Variants in ABHD14B observed in about 807,000 individuals in gnomAD.
The protein encoded by ABHD14B is abhydrolase domain containing 14B.
Under a neutral mutation model 15.4 loss-of-function variants are expected in ABHD14B, and 19 were observed. The observed-to-expected ratio is 1.23, with a 90% CI of 0.86 to 1.81. The LOEUF (loss-of-function observed/expected upper bound fraction) is 1.81. ABHD14B is among the 40% of genes most tolerant of loss of function. The pLI is 0.00. For missense variants in ABHD14B, 243 were observed against 267.0 expected (o/e 0.91, Z 0.63); for synonymous variants, 92 against 117.3 (o/e 0.78, Z 1.39).
intron 1 of ABHD14B, chr3:51,972,037 G>C (rs111772003): frequency 0.027 from 5,095 of 191,252 alleles, 105 homozygotes; most frequent in Admixed American, 0.041. Context: ...CTGAGGTCAG[G>C]AGTTCAAGAC....
intron 1 of ABHD14B, among the ~76,000 whole-genome samples, chr3:51,973,506 T>TTTTTTTTTTTTTC (rs1553723699): frequency 0.035 from 4,304 of 122,484 alleles, 266 homozygotes; most frequent in African/African-American, 0.17. Context: ...TTTTCTTCGG[T>TTTTTTTTTTTTTC]TTTTTTTTTT....
Position 51,970,072 on chromosome 3 carries a change from G to A in ABHD14B, c.324C>T (p.Ile108=). ...AGTACATGCCACTCAGTGATGGACT[G>A]ATCACAACCGGGGGGCCCAGCTCCA... The part of the protein sequence containing the change: ...DALELGPPVV[I]SPSLSGMYSL... The change falls in exon 3 of 4, where the codon ATC becomes ATT. Residue 108 remains isoleucine (I), a synonymous_variant. Transcript: ENST00000361143. The A allele has an allele frequency of 1.2e-6, 2 of 1,610,404 alleles. No individual in the cohort carries two copies. Among genetic ancestry groups the A allele is most frequent in the Non-Finnish European group, 1.7e-6 (2 of 1,177,856 alleles).
chr3:51,972,721 A>G (rs1481715364), intron 1 of ABHD14B, among the ~76,000 whole-genome samples: 1 of 152,202 alleles, frequency 6.6e-6, no homozygotes, highest in Non-Finnish European at 1.5e-5. Flanking sequence ...ACTAGCTCAT[A>G]GGTGGTTGAT....
chr3:51,969,713 G>A, intron 3 of ABHD14B, 108 bp from the exon 4 acceptor site: 2 of 1,460,752 alleles, frequency 1.4e-6, no homozygotes, highest in Non-Finnish European at 1.9e-6. Context: ...ATGAGGGAGA[G>A]AGACAAGCTG....
Position 51,968,563 on chromosome 3 carries a change from C to T in ABHD14B, c.*863G>A, listed in dbSNP as rs1678097719. The T allele has an allele frequency of 6.6e-6, 1 of 152,248 alleles. No individual in the cohort carries two copies. Among genetic ancestry groups the T allele is most frequent in the Admixed American group, 6.5e-5 (1 of 15,290 alleles). 9.4% of individuals were successfully genotyped at this position (152,248 alleles called of 1,614,324 possible). ...CCGACCTCCACTCTGGCTCCCACCC[C>T]ACAAGCCTCAGAGCAGGAAACAAGC... is the stretch of plus-strand genomic sequence containing the variant. On this transcript the variant is annotated 3_prime_UTR_variant, in exon 4 of 4. Transcript: ENST00000361143.
intron 1 of ABHD14B, among the ~76,000 whole-genome samples, chr3:51,973,503 C>CG (rs753888239): frequency 4.6e-5 from 6 of 130,514 alleles, no homozygotes; most frequent in African/African-American, 1.5e-4. Context: ...CCATTTTCTT[C>CG]GGTTTTTTTT....
upstream of ABHD14B, chr3:51,974,055 G>T (rs1252650120): frequency 8.5e-6 from 11 of 1,286,946 alleles, no homozygotes; most frequent in Non-Finnish European, 1.0e-5. Context: ...AAGAGGCCGG[G>T]CCCCATCCAG....
intron 2 of ABHD14B, chr3:51,970,664 T>C (rs757480935): frequency 2.2e-6 from 1 of 457,740 alleles, no homozygotes; most frequent in Non-Finnish European, 4.4e-6. Context: ...GGGTCGGTTC[T>C]GCAGCTCCTC....
chr3:51,971,048 A>G (rs1267002700), intron 2 of ABHD14B, among the ~76,000 whole-genome samples: 1 of 152,230 alleles, frequency 6.6e-6, no homozygotes, highest in African/African-American at 2.4e-5. Flanking sequence ...GTTATTATTC[A>G]GTCAAAATAC....
intron 1 of ABHD14B, 92 bp downstream of exon 1, chr3:51,973,873 G>A (rs1467045009): frequency 2.3e-6 from 3 of 1,289,672 alleles, no homozygotes; most frequent in Non-Finnish European, 3.0e-6. Flanking sequence ...TCCCAAGGAG[G>A]GGACCCAGGG....
chr3:51,971,867 G>A, intron 1 of ABHD14B, 169 bp from the exon 2 acceptor site: 1 of 1,310,372 alleles, frequency 7.6e-7, no homozygotes, highest in South Asian at 2.1e-5. Flanking sequence ...ACTTTAGTGT[G>A]TAACCTGGGG....
Position 51,969,399 on chromosome 3 carries a change from G to GCCCAC in ABHD14B, c.*22_*26dup. The GCCCAC allele has an allele frequency of 6.3e-7, 1 of 1,583,410 alleles. No homozygotes were observed. The highest frequency in any genetic ancestry group is 8.6e-7 in the Non-Finnish European group (1 of 1,164,142). ...AGAGAGAGCTCAGAGCAGGCAGGCA[G>GCCCAC]CCCACCCCCTGCAGCAGTGCTGGGC... is the stretch of plus-strand genomic sequence containing the variant. On this transcript the variant is annotated 3_prime_UTR_variant, in exon 4 of 4. Transcript: ENST00000361143.
At chr3:51,973,003 G>A (rs1456746324) in intron 1 of ABHD14B, among the ~76,000 whole-genome samples, 2 of 151,450 alleles carry the variant, frequency 1.3e-5, no homozygotes, top group African/African-American at 2.4e-5. Flanking sequence ...TCAGCCTCCC[G>A]AGTAGCTGGG....
At chr3:51,973,897 A>C in intron 1 of ABHD14B, 68 bp downstream of exon 1, 2 of 1,289,786 alleles carry the variant, frequency 1.6e-6, no homozygotes, top group Non-Finnish European at 2.0e-6. Context: ...CGAGAAAGGA[A>C]GACTTGGGGT....
Position 51,969,514 on chromosome 3 carries a change from A to G in ABHD14B, c.545T>C (p.Ile182Thr). Residue 182 changes from isoleucine (I) to threonine (T), a missense_variant, in exon 4 of 4, where the codon ATC (isoleucine) becomes ACC (threonine). Transcript: ENST00000361143. Reference sequence around the variant, plus strand: ...ACAGGGGTGCCCCGCCCCCTTCATGATCAGCACCCGGTGGTTGGGCAGCTG... The same window carrying G: ...ACAGGGGTGCCCCGCCCCCTTCATGGTCAGCACCCGGTGGTTGGGCAGCTG... ...LKQLPNHRVL[I>T]MKGAGHPCYL... 6.2e-7 allele frequency: 1 copy of G among 1,613,920 alleles called. No individual in the cohort carries two copies. Among genetic ancestry groups the G allele is most frequent in the Non-Finnish European group, 8.5e-7 (1 of 1,179,988 alleles).
In ABHD14B at chr3:51,969,354, G is replaced by C; in HGVS notation, c.*72C>G. ...TGCATGTGCATGAGCCAGAGCCTGG[G>C]AGAGAAGAGAGAGCGTGCAAGAGAG... On this transcript the variant is annotated 3_prime_UTR_variant, in exon 4 of 4. Transcript: ENST00000361143. 1 of 1,498,212 alleles carries C rather than the reference G, an allele frequency of 6.7e-7. No individual in the cohort carries two copies. The highest frequency in any genetic ancestry group is 1.3e-5 in the South Asian group (1 of 76,468). 92.8% of individuals were successfully genotyped at this position (1,498,212 alleles called of 1,614,324 possible). A position where few individuals can be genotyped will look rare whatever the true frequency, so the allele number is the denominator to read the frequency against.
At position 51,969,733 on chromosome 3, in the gene ABHD14B, G is replaced by C. The variant is rs1700616809; in HGVS notation, c.454-128C>G. On this transcript the variant is annotated intron_variant, in intron 3 of 3. Coordinates refer to ENST00000361143, the MANE Select transcript of ABHD14B (RefSeq NM_001146314.2). ...GGAGAGAGACAAGCTGGCCCAGTGGGTGGGGGCACAGATTGGTGTCTGCCC... is the reference window on the plus strand; with the variant it reads ...GGAGAGAGACAAGCTGGCCCAGTGGCTGGGGGCACAGATTGGTGTCTGCCC... 3 of 1,410,478 alleles carry C rather than the reference G, an allele frequency of 2.1e-6. No individual in the cohort carries two copies. The Admixed American group carries it at 5.7e-5, about 27-fold the overall frequency. The allele number at this position is 1,410,478 out of a possible 1,614,324, so 87.4% of individuals were successfully genotyped here.
intron 1 of ABHD14B, chr3:51,971,899 T>C (rs1268123630): frequency 1.8e-6 from 2 of 1,105,224 alleles, no homozygotes; most frequent in African/African-American, 1.6e-5. Flanking sequence ...TGATCTGAAA[T>C]ATGGGAACAA....
Position 51,970,196 on chromosome 3 carries a change from C to T in ABHD14B, c.212-12G>A, listed in dbSNP as rs1260833980. ...GGAGTGCCCCAGACCTGCAGGGATT[C>T]AGGTGTGAAAGAGACAAGACAAGGG... On this transcript the variant is annotated splice_polypyrimidine_tract_variant and intron_variant, in intron 2 of 3. Coordinates refer to ENST00000361143, the MANE Select transcript of ABHD14B (RefSeq NM_001146314.2). 4 of 1,520,728 alleles carry T rather than the reference C, an allele frequency of 2.6e-6. No individual in the cohort carries two copies. The Admixed American group carries it at 6.7e-5, about 26-fold the overall frequency. The allele number at this position is 1,520,728 out of a possible 1,614,324, so 94.2% of individuals were successfully genotyped here. A position where few individuals can be genotyped will look rare whatever the true frequency, so the allele number is the denominator to read the frequency against.
Sources: allele counts gnomAD v4.1 joint callset (sites outside exome capture counted in the v4.1 genomes callset), GRCh38; gene constraint gnomAD v4.1.1; transcripts MANE v1.5; gene names NCBI Gene and HGNC (gene_info 2026-07-23, HGNC 2026-07-21).